Variants in ARHGEF38 observed in about 807,000 individuals in gnomAD.
The protein encoded by ARHGEF38 is Rho guanine nucleotide exchange factor (GEF) 38.
In ARHGEF38, 79 loss-of-function variants were observed where a neutral mutation model predicts 79.9. The ratio of observed to expected loss-of-function variants is 0.99; its 90% CI spans 0.82 to 1.19. The LOEUF (loss-of-function observed/expected upper bound fraction) is 1.19, where lower values mean the gene tolerates loss of function less well. Among genes scored for constraint, ARHGEF38 ranks in the 50% most tolerant of loss-of-function variants. The pLI is 0.00. For synonymous variants in ARHGEF38, 366 were observed against 328.3 expected (o/e 1.11, Z -1.24); for missense variants, 962 against 907.2 (o/e 1.06, Z -0.78).
rs541546072 is a variant in ARHGEF38, at chr4:105,669,149, G to A, written c.2148+1446G>A. Among the ~76,000 whole-genome samples, 16 of 152,174 alleles carry A rather than the reference G, an allele frequency of 1.1e-4. 1 individual carries two copies. In the East Asian group the frequency reaches 3.1e-3, roughly 29 times the overall value. On this transcript the variant is annotated intron_variant, in intron 13 of 13. Coordinates refer to ENST00000420470, the MANE Select transcript of ARHGEF38 (RefSeq NM_001242729.2). ...TGGGTATATCCTTTGTATATTCTGTGCATATACAAACACATTTATACCAGT... is the reference window on the plus strand; with the variant it reads ...TGGGTATATCCTTTGTATATTCTGTACATATACAAACACATTTATACCAGT...
intron 4 of ARHGEF38, among the ~76,000 whole-genome samples, chr4:105,633,713 T>G (rs549386140): frequency 4.6e-5 from 7 of 152,198 alleles, no homozygotes; most frequent in Non-Finnish European, 1.0e-4. Context: ...AATAAATATT[T>G]AATAAGAGTG....
Position 105,680,184 on chromosome 4 carries a change from C to T in ARHGEF38, c.*2247C>T. 1.9e-6 allele frequency: 1 copy of T among 535,282 alleles called. No individual in the cohort carries two copies. The highest frequency in any genetic ancestry group is 3.4e-6 in the Non-Finnish European group (1 of 289,898). The allele number at this position is 535,282 out of a possible 1,614,324, so 33.2% of individuals were successfully genotyped here. A position where few individuals can be genotyped will look rare whatever the true frequency, so the allele number is the denominator to read the frequency against. ...AAACCAGGTCTTCTGACTTTAAGGCCTTTCTTTTAGTGTTTTCCCTTTTCT... is the reference window on the plus strand; with the variant it reads ...AAACCAGGTCTTCTGACTTTAAGGCTTTTCTTTTAGTGTTTTCCCTTTTCT... On this transcript the variant is annotated 3_prime_UTR_variant, in exon 14 of 14. Transcript: ENST00000420470.
intron 2 of ARHGEF38, among the ~76,000 whole-genome samples, chr4:105,612,867 C>T (rs1378536285): frequency 6.6e-6 from 1 of 151,872 alleles, no homozygotes; most frequent in Admixed American, 6.6e-5. Flanking sequence ...TATAATGAAT[C>T]CTTAATTAGT....
rs750648504 is a variant in ARHGEF38, at chr4:105,613,439, T to C, written c.440T>C (p.Ile147Thr). 3.1e-6 allele frequency: 5 copies of C among 1,613,476 alleles called. No homozygotes were observed. The East Asian group carries it at 8.9e-5, about 29-fold the overall frequency. ...LFSNIESVHQ[I>T]SAKLLSLLEE... ...AGCAACATTGAGTCCGTGCATCAGA[T>C]ATCAGCCAAGCTGCTGTCATTGTTG... The change falls in exon 3 of 14, where the codon ATA (isoleucine) becomes ACA (threonine). Residue 147 changes from isoleucine to threonine, a missense_variant. Transcript: ENST00000420470.
intron 10 of ARHGEF38, among the ~76,000 whole-genome samples, chr4:105,664,683 G>A (rs911976746): frequency 3.9e-5 from 6 of 152,178 alleles, no homozygotes; most frequent in Admixed American, 2.6e-4. Flanking sequence ...TTACAAAAAT[G>A]TGAGTATGGC....
intron 4 of ARHGEF38, among the ~76,000 whole-genome samples, chr4:105,631,915 G>C (rs766206227): frequency 6.6e-6 from 1 of 152,178 alleles, no homozygotes; most frequent in Middle Eastern, 3.4e-3. Context: ...ATTTTGATTA[G>C]ACCAGGAATT....
intron 4 of ARHGEF38, 66 bp from the exon 5 acceptor site, chr4:105,636,334 TATA>T: frequency 3.8e-6 from 1 of 262,282 alleles, no homozygotes; most frequent in Non-Finnish European, 6.5e-6. Flanking sequence ...TAAAAGGATT[TATA>T]ATGTTTGTAT....
chr4:105,569,457 A>G (rs1726108633), intron 1 of ARHGEF38, among the ~76,000 whole-genome samples: 1 of 152,214 alleles, frequency 6.6e-6, no homozygotes, highest in Admixed American at 6.5e-5. Context: ...GAACATTTCC[A>G]AGGAAAAGAA....
In ARHGEF38 at chr4:105,613,600, A is replaced by G. The variant is rs1728393890; in HGVS notation, c.508+93A>G. 5.0e-6 allele frequency: 7 copies of G among 1,403,832 alleles called. No homozygotes were observed. In the South Asian group the frequency reaches 7.9e-5, roughly 16 times the overall value. The allele number at this position is 1,403,832 out of a possible 1,614,324, so 87.0% of individuals were successfully genotyped here. A position where few individuals can be genotyped will look rare whatever the true frequency, so the allele number is the denominator to read the frequency against. ...TTTGGTTTTTTGTTCCTGACTCACC[A>G]TGCTTCCCAGGAGATATATAAATGC... is the stretch of plus-strand genomic sequence containing the variant. On this transcript the variant is annotated intron_variant, in intron 3 of 13. Coordinates refer to ENST00000420470, the MANE Select transcript of ARHGEF38 (RefSeq NM_001242729.2).
intron 10 of ARHGEF38, among the ~76,000 whole-genome samples, chr4:105,665,950 G>A (rs1255923551): frequency 6.6e-6 from 1 of 151,798 alleles, no homozygotes; most frequent in East Asian, 1.9e-4. Flanking sequence ...TTTCTCTTCT[G>A]TTCTTTCATT....
At chr4:105,592,711 T>C (rs1040000621) in intron 2 of ARHGEF38, among the ~76,000 whole-genome samples, 1 of 152,208 alleles carries the variant, frequency 6.6e-6, no homozygotes, top group Non-Finnish European at 1.5e-5. Context: ...TCTCACATTC[T>C]TTTCCTCACA....
At chr4:105,633,315 G>A (rs933683084) in intron 4 of ARHGEF38, among the ~76,000 whole-genome samples, 3 of 152,154 alleles carry the variant, frequency 2.0e-5, no homozygotes. Flanking sequence ...AAGGCTGAGG[G>A]CAGTAGAATT....
At chr4:105,571,584 A>G (rs1726237416) in intron 1 of ARHGEF38, among the ~76,000 whole-genome samples, 1 of 151,980 alleles carries the variant, frequency 6.6e-6, no homozygotes, top group African/African-American at 2.4e-5. Context: ...CAGCCTCCTA[A>G]AGTGCTGGGA....
chr4:105,639,804 A>G (rs1012011136), intron 5 of ARHGEF38, among the ~76,000 whole-genome samples: 1 of 151,974 alleles, frequency 6.6e-6, no homozygotes, highest in Admixed American at 6.6e-5. Flanking sequence ...ATTGAGTATC[A>G]TTAGTCTCAG....
chr4:105,611,519 G>A lies in ARHGEF38; in HGVS notation c.385-1865G>A, dbSNP rs891174596. Among the ~76,000 whole-genome samples the A allele has an allele frequency of 1.7e-4, 26 of 151,938 alleles. No individual in the cohort carries two copies. The South Asian group carries it at 5.2e-3, about 30-fold the overall frequency. ...CATTTGAGCCATTGATAATAATGAA[G>A]TATTATTAAATGACAACTTCATGTT... On this transcript the variant is annotated intron_variant, in intron 2 of 13. Coordinates refer to ENST00000420470, the MANE Select transcript of ARHGEF38 (RefSeq NM_001242729.2).
At chr4:105,559,262 CTG>C (rs1055391147) in intron 1 of ARHGEF38, among the ~76,000 whole-genome samples, 2 of 152,120 alleles carry the variant, frequency 1.3e-5, no homozygotes, top group Admixed American at 1.3e-4. Flanking sequence ...GTTTCTGAGA[CTG>C]TGGAATTTTC....
intron 1 of ARHGEF38, among the ~76,000 whole-genome samples, chr4:105,556,554 A>G (rs1193585849): frequency 2.0e-5 from 3 of 152,116 alleles, no homozygotes; most frequent in Non-Finnish European, 4.4e-5. Flanking sequence ...TAACCTCTTC[A>G]CTGTATTTAG....
At chr4:105,605,003 A>G (rs1023946255) in intron 2 of ARHGEF38, among the ~76,000 whole-genome samples, 1 of 152,204 alleles carries the variant, frequency 6.6e-6, no homozygotes, top group East Asian at 1.9e-4. Flanking sequence ...TGAAAAGATT[A>G]CAAAATATAC....
At chr4:105,600,777 A>G (rs184571184) in intron 2 of ARHGEF38, among the ~76,000 whole-genome samples, 50 of 152,290 alleles carry the variant, frequency 3.3e-4, no homozygotes, top group Non-Finnish European at 5.7e-4. Flanking sequence ...ATTCTATCTC[A>G]TCTCAGAAAA....
Sources: gnomAD v4.1 joint callset for allele counts (sites outside exome capture counted in the v4.1 genomes callset) on GRCh38, gnomAD v4.1.1 for gene constraint, MANE v1.5 for transcripts, NCBI Gene and HGNC (gene_info 2026-07-23, HGNC 2026-07-21) for gene names.